SYN1: variants seen among roughly 807,000 people sequenced by gnomAD.
The protein encoded by SYN1 is synapsin-1.
SYN1 carries 8 observed loss-of-function variants against 44.6 expected under a neutral mutation model. The observed-to-expected ratio is 0.18, with a 90% confidence interval of 0.11 to 0.32. The LOEUF is 0.32. SYN1 is among the 10% of genes least tolerant of loss of function. The probability of loss-of-function intolerance (pLI) is 1.00; values close to 1 mark genes in which losing one functional copy is unlikely to be tolerated. For missense variants in SYN1, 451 were observed against 639.4 expected, an observed-to-expected ratio of 0.71 and a Z score of 3.18; for synonymous variants, 275 against 280.1, an observed-to-expected ratio of 0.98 and a Z score of 0.18.
At chrX:47,597,072 G>A (rs2057865680) in intron 5 of SYN1, among the ~76,000 whole-genome samples, 1 of 112,149 alleles carries the variant, frequency 8.9e-6, no homozygotes, top group Admixed American at 9.4e-5. Flanking sequence ...GGTGGCTCAT[G>A]CCTGTAATCC....
chrX:47,618,821 T>C (rs773318848), intron 1 of SYN1, among the ~76,000 whole-genome samples: 16 of 111,688 alleles, frequency 1.4e-4, no homozygotes, highest in Non-Finnish European at 1.3e-4. Flanking sequence ...ACACATAGCA[T>C]AGACTGGACA....
chrX:47,603,013 AT>A (rs748280557), intron 5 of SYN1, among the ~76,000 whole-genome samples: 10,799 of 110,401 alleles, frequency 0.098, 492 homozygotes, highest in Non-Finnish European at 0.13. Context: ...AATATTAGTG[AT>A]TTTTTTTATA....
chrX:47,577,530 C>T (rs779582042), intron 5 of SYN1, 29 bp from the exon 6 acceptor site: 1 of 1,188,106 alleles, frequency 8.4e-7, no homozygotes, highest in Non-Finnish European at 1.1e-6. Context: ...AGGAGACATG[C>T]TCAGGGCAGA....
In SYN1 at chrX:47,572,764, A is replaced by AGAT. The variant is rs1258810127; in HGVS notation, c.*97_*99dup. On this transcript the variant is annotated 3_prime_UTR_variant, in exon 13 of 13. Transcript: ENST00000295987. ...AGAGGTGGAATCTTGGAGAACCGGG[A>AGAT]GATGGGTTCTCAAGGGATTTGGAGA... 7.1e-6 allele frequency: 8 copies of AGAT among 1,124,383 alleles called. 1 individual carries two copies. 92.7% of individuals were successfully genotyped at this position (1,124,383 alleles called of 1,213,427 possible).
At chrX:47,618,052 A>G (rs189588341) in intron 1 of SYN1, among the ~76,000 whole-genome samples, 1 of 112,169 alleles carries the variant, frequency 8.9e-6, no homozygotes, top group East Asian at 2.8e-4. Context: ...AAGAAGGCAC[A>G]CAATCAGGTA....
chrX:47,576,837 G>A (rs910337955), intron 6 of SYN1, among the ~76,000 whole-genome samples, 197 bp from the exon 7 acceptor site: 1 of 111,887 alleles, frequency 8.9e-6, no homozygotes, highest in Non-Finnish European at 1.9e-5. Flanking sequence ...ACAAAGTTGG[G>A]TGTGTAGAAC....
At chrX:47,586,884 G>A (rs1468580819) in intron 5 of SYN1, 2 of 488,231 alleles carry the variant, frequency 4.1e-6, no homozygotes, top group Non-Finnish European at 6.6e-6. Flanking sequence ...GATGCCAAAT[G>A]TTGGGTTTTT....
intron 5 of SYN1, chrX:47,584,867 G>A (rs1249048675): frequency 2.2e-6 from 2 of 921,266 alleles, no homozygotes; most frequent in Non-Finnish European, 3.1e-6. Context: ...TGATGATGAT[G>A]ATGATGATGA....
At chrX:47,617,682 C>A (rs981506728) in intron 1 of SYN1, among the ~76,000 whole-genome samples, 2 of 111,535 alleles carry the variant, frequency 1.8e-5, no homozygotes, top group African/African-American at 3.3e-5. Flanking sequence ...CTCCCCAAAA[C>A]AACAGGTCCT....
At chrX:47,579,861 T>G (rs770295094) in intron 5 of SYN1, among the ~76,000 whole-genome samples, 3 of 51,505 alleles carry the variant, frequency 5.8e-5, no homozygotes, top group African/African-American at 2.2e-4. Context: ...CCCCCCACCC[T>G]CCCCCCACCA....
intron 5 of SYN1, among the ~76,000 whole-genome samples, chrX:47,578,776 C>T (rs1294243474): frequency 6.3e-5 from 7 of 111,642 alleles, no homozygotes; most frequent in Non-Finnish European, 9.4e-5. Context: ...ATGGCATTCC[C>T]GGAGGGGCTG....
intron 5 of SYN1, among the ~76,000 whole-genome samples, chrX:47,578,758 G>A (rs1488164557): frequency 8.9e-6 from 1 of 111,740 alleles, no homozygotes; most frequent in African/African-American, 3.3e-5. Context: ...CGCTGACAAG[G>A]TAGAGAGATG....
Position 47,572,484 on chromosome X carries a change from T to C in SYN1, c.*380A>G. 1 of 171,083 alleles carries C rather than the reference T, an allele frequency of 5.8e-6. No individual in the cohort carries two copies. The highest frequency in any genetic ancestry group is 1.1e-5 in the Non-Finnish European group (1 of 89,389). The allele number at this position is 171,083 out of a possible 1,213,427, so 14.1% of individuals were successfully genotyped here. A position where few individuals can be genotyped will look rare whatever the true frequency, so the allele number is the denominator to read the frequency against. On this transcript the variant is annotated 3_prime_UTR_variant, in exon 13 of 13. Transcript: ENST00000295987. The stretch of plus-strand genomic sequence containing the variant: ...AGATTTGGGACCAAAAATAGGGTTT[T>C]CCAGGAACTTCAGGGCTCCAGGAAG...
intron 5 of SYN1, chrX:47,586,439 G>A (rs747655131): frequency 5.5e-5 from 64 of 1,157,235 alleles, no homozygotes; most frequent in Admixed American, 9.3e-5. Flanking sequence ...GCGGCTCAGT[G>A]TTGAAAGCTG....
intron 5 of SYN1, among the ~76,000 whole-genome samples, chrX:47,579,099 A>G (rs183899875): frequency 3.7e-4 from 41 of 110,809 alleles, no homozygotes; most frequent in Admixed American, 5.8e-4. Context: ...CTGGTAGACA[A>G]CTCCCAGAAG....
At chrX:47,601,929 T>C (rs1412890969) in intron 5 of SYN1, among the ~76,000 whole-genome samples, 2 of 112,405 alleles carry the variant, frequency 1.8e-5, no homozygotes, top group African/African-American at 6.5e-5. Flanking sequence ...CTACATACCA[T>C]ATTCATAGAA....
At chrX:47,606,555 C>A (rs1047822057) in intron 3 of SYN1, among the ~76,000 whole-genome samples, 7 of 107,993 alleles carry the variant, frequency 6.5e-5, no homozygotes, top group Non-Finnish European at 1.1e-4. Context: ...GAGGACCCCC[C>A]CCATCTCTAC....
chrX:47,580,975 G>T (rs1179040283), intron 5 of SYN1, among the ~76,000 whole-genome samples: 3 of 111,254 alleles, frequency 2.7e-5, no homozygotes. Context: ...GCAGTTTTGT[G>T]ACATGGATAT....
chrX:47,616,374 A>G (rs775660977), intron 1 of SYN1, among the ~76,000 whole-genome samples: 102 of 112,117 alleles, frequency 9.1e-4, no homozygotes, highest in African/African-American at 3.3e-3. Flanking sequence ...TTCTGGACAA[A>G]GAAAAAATGG....
Sources: gnomAD v4.1 joint callset for allele counts (sites outside exome capture counted in the v4.1 genomes callset) on GRCh38, gnomAD v4.1.1 for gene constraint, MANE v1.5 for transcripts, NCBI Gene and HGNC (gene_info 2026-07-23, HGNC 2026-07-21) for gene names.